Variants in MACROD2 observed in about 807,000 individuals in gnomAD.
The protein encoded by MACROD2 is mono-ADP ribosylhydrolase 2, also known as ADP-ribose glycohydrolase MACROD2.
MACROD2 carries 36 observed loss-of-function variants against 70.4 expected under a neutral mutation model. That is an observed-to-expected ratio of 0.51 (90% CI 0.39 to 0.68). The LOEUF is 0.68. MACROD2 is among the 30% of genes least tolerant of loss of function. The pLI, the probability that MACROD2 is intolerant of heterozygous loss-of-function variation, is 0.00. For missense variants in MACROD2, 496 were observed against 538.4 expected (o/e 0.92, Z 0.78); for synonymous variants, 172 against 178.8 (o/e 0.96, Z 0.30).
At chr20:15,386,272 G>C (rs983132360) in intron 6 of MACROD2, among the ~76,000 whole-genome samples, 1 of 152,116 alleles carries the variant, frequency 6.6e-6, no homozygotes, top group South Asian at 2.1e-4. Context: ...TTCAACAATA[G>C]TTCAACTTAC....
chr20:14,920,874 T>G (rs1168659333), intron 5 of MACROD2, among the ~76,000 whole-genome samples: 4 of 152,150 alleles, frequency 2.6e-5, no homozygotes, highest in African/African-American at 9.6e-5. Flanking sequence ...CCTCCACACA[T>G]TCACATTAGG....
At chr20:15,829,246 T>C (rs79130385) in intron 8 of MACROD2, among the ~76,000 whole-genome samples, 242 of 152,232 alleles carry the variant, frequency 1.6e-3, no homozygotes, top group African/African-American at 5.7e-3. Context: ...TTTCTTCCCA[T>C]CTTATACTCA....
chr20:15,952,461 G>A (rs2147369518), intron 12 of MACROD2, among the ~76,000 whole-genome samples: 1 of 151,956 alleles, frequency 6.6e-6, no homozygotes, highest in Non-Finnish European at 1.5e-5. Context: ...GCTTCCTGCA[G>A]CTTTCTGCCT....
intron 12 of MACROD2, among the ~76,000 whole-genome samples, chr20:15,966,728 G>A (rs1157107819): frequency 1.3e-5 from 2 of 152,102 alleles, no homozygotes; most frequent in African/African-American, 4.8e-5. Flanking sequence ...GTAACAGAGC[G>A]AGAATCTGTC....
At chr20:14,674,122 T>C (rs965147575) in intron 4 of MACROD2, among the ~76,000 whole-genome samples, 6 of 152,160 alleles carry the variant, frequency 3.9e-5, no homozygotes, top group Non-Finnish European at 8.8e-5. Context: ...GTAAATTACT[T>C]TTAATTTCAA....
At chr20:15,645,432 T>A (rs182333676) in intron 8 of MACROD2, among the ~76,000 whole-genome samples, 209 of 152,340 alleles carry the variant, frequency 1.4e-3, no homozygotes, top group Middle Eastern at 0.01. Context: ...TAGTGAGACA[T>A]ACATTGAAGA....
At chr20:15,006,967 G>A (rs1028536836) in intron 5 of MACROD2, among the ~76,000 whole-genome samples, 8 of 151,942 alleles carry the variant, frequency 5.3e-5, no homozygotes, top group Non-Finnish European at 1.2e-4. Context: ...TGAACATAAA[G>A]TCTAAGGCTT....
chr20:15,135,827 G>C (rs1383448803), intron 5 of MACROD2, among the ~76,000 whole-genome samples: 2 of 147,840 alleles, frequency 1.4e-5, no homozygotes, highest in Non-Finnish European at 3.0e-5. Flanking sequence ...CATTGTCTCA[G>C]CCCAAAATCT....
chr20:14,074,192 T>C (rs2053886720), intron 2 of MACROD2, among the ~76,000 whole-genome samples: 1 of 152,222 alleles, frequency 6.6e-6, no homozygotes, highest in Admixed American at 6.5e-5. Flanking sequence ...CACTTGTTCC[T>C]GCTGTATTTG....
intron 5 of MACROD2, among the ~76,000 whole-genome samples, chr20:14,815,354 A>G (rs1342894635): frequency 1.3e-5 from 2 of 152,060 alleles, no homozygotes; most frequent in African/African-American, 4.8e-5. Flanking sequence ...ATGCATTTTG[A>G]TTTAGGATTT....
At chr20:14,961,012 C>A (rs570858229) in intron 5 of MACROD2, among the ~76,000 whole-genome samples, 1 of 152,242 alleles carries the variant, frequency 6.6e-6, no homozygotes, top group Non-Finnish European at 1.5e-5. Context: ...CTAATAACAC[C>A]TGGCATCTTT....
At chr20:15,188,079 A>G (rs771447545) in intron 5 of MACROD2, among the ~76,000 whole-genome samples, 1 of 152,174 alleles carries the variant, frequency 6.6e-6, no homozygotes, top group Admixed American at 6.5e-5. Context: ...AGAACATTCA[A>G]TGGTAAGACA....
At chr20:15,493,207 G>C (rs2047253750) in intron 7 of MACROD2, among the ~76,000 whole-genome samples, 1 of 152,154 alleles carries the variant, frequency 6.6e-6, no homozygotes, top group East Asian at 1.9e-4. Context: ...TGCAAGAAAG[G>C]CAGTTAAAGC....
At chr20:15,661,880 T>C (rs1424790838) in intron 8 of MACROD2, among the ~76,000 whole-genome samples, 1 of 152,186 alleles carries the variant, frequency 6.6e-6, no homozygotes. Context: ...CGTAGTGTAG[T>C]CAGTAACTCA....
chr20:15,179,201 T>C (rs1480217771), intron 5 of MACROD2, among the ~76,000 whole-genome samples: 2 of 152,292 alleles, frequency 1.3e-5, no homozygotes, highest in African/African-American at 4.8e-5. Flanking sequence ...AGGGTGGTGG[T>C]TACCTCCATG....
At chr20:14,423,597 G>A (rs1170433557) in intron 3 of MACROD2, among the ~76,000 whole-genome samples, 1 of 150,484 alleles carries the variant, frequency 6.6e-6, no homozygotes, top group Non-Finnish European at 1.5e-5. Flanking sequence ...CTACTCGGGA[G>A]GCTGAGGCAG....
chr20:16,000,228 A>C (rs1308675393), intron 15 of MACROD2, among the ~76,000 whole-genome samples: 2 of 152,336 alleles, frequency 1.3e-5, no homozygotes, highest in East Asian at 3.9e-4. Context: ...CATTTCATAC[A>C]ATAACTCTCA....
intron 8 of MACROD2, among the ~76,000 whole-genome samples, chr20:15,524,087 A>G (rs1022083035): frequency 6.6e-6 from 1 of 152,082 alleles, no homozygotes; most frequent in Non-Finnish European, 1.5e-5. Flanking sequence ...GTGCACATTC[A>G]TGTTTGCTTT....
At chr20:14,421,617 G>T (rs950662691) in intron 3 of MACROD2, among the ~76,000 whole-genome samples, 3 of 151,992 alleles carry the variant, frequency 2.0e-5, no homozygotes, top group African/African-American at 7.2e-5. Flanking sequence ...ATTTTCATTT[G>T]TCTTAAAGCA....
Sources: allele counts gnomAD v4.1 joint callset (sites outside exome capture counted in the v4.1 genomes callset), GRCh38; gene constraint gnomAD v4.1.1; transcripts MANE v1.5; gene names NCBI Gene and HGNC (gene_info 2026-07-23, HGNC 2026-07-21).